The following DLG2 variants were observed in gnomAD, a reference collection of about 807,000 sequenced individuals.
DLG2 encodes disks large homolog 2.
DLG2 carries 45 observed loss-of-function variants against 132.5 expected under a neutral mutation model. That is an observed-to-expected ratio of 0.34 (90% CI 0.27 to 0.44). The LOEUF (loss-of-function observed/expected upper bound fraction) is 0.44, where lower values mean the gene tolerates loss of function less well. Ranked by LOEUF, DLG2 falls within the 20% of genes least tolerant of loss-of-function variation. The probability of loss-of-function intolerance (pLI) is 1.00; values close to 1 mark genes in which losing one functional copy is unlikely to be tolerated. For missense variants in DLG2, 1,045 were observed against 1,196.9 expected (o/e 0.87, Z 1.87); for synonymous variants, 424 against 419.6 (o/e 1.01, Z -0.13).
At chr11:84,714,657 C>CTCTCTCTCTT (rs2060995934) in intron 6 of DLG2, among the ~76,000 whole-genome samples, 3 of 143,572 alleles carry the variant, frequency 2.1e-5, no homozygotes, top group Admixed American at 6.9e-5. Context: ...TTCTCTCTCT[C>CTCTCTCTCTT]TCTCTCTCTC....
chr11:85,538,921 G>A (rs897943370), intron 3 of DLG2, among the ~76,000 whole-genome samples: 5 of 151,770 alleles, frequency 3.3e-5, no homozygotes, highest in African/African-American at 1.2e-4. Flanking sequence ...GTTGATAGGT[G>A]CAGCAAAACA....
intron 9 of DLG2, among the ~76,000 whole-genome samples, chr11:84,137,577 T>C (rs1168251620): frequency 6.6e-6 from 1 of 152,190 alleles, no homozygotes; most frequent in Admixed American, 6.6e-5. Flanking sequence ...TATCAACAGA[T>C]GTTTTATTAT....
intron 14 of DLG2, among the ~76,000 whole-genome samples, chr11:83,941,995 T>C (rs1217892822): frequency 6.6e-6 from 1 of 152,252 alleles, no homozygotes; most frequent in Non-Finnish European, 1.5e-5. Flanking sequence ...TATAAACTGC[T>C]GAACCTACAG....
intron 3 of DLG2, among the ~76,000 whole-genome samples, chr11:85,390,150 G>A (rs1006563943): frequency 6.6e-6 from 1 of 151,774 alleles, no homozygotes; most frequent in Non-Finnish European, 1.5e-5. Context: ...TAAGGTAAAG[G>A]GATGGAAAAA....
chr11:85,456,234 G>A (rs1254468382), intron 3 of DLG2, among the ~76,000 whole-genome samples: 1 of 151,934 alleles, frequency 6.6e-6, no homozygotes, highest in African/African-American at 2.4e-5. Context: ...TTTCTTTTAG[G>A]TTTTCTGGTT....
chr11:83,887,233 T>A (rs1327648860), intron 15 of DLG2, among the ~76,000 whole-genome samples: 3 of 151,074 alleles, frequency 2.0e-5, no homozygotes, highest in Non-Finnish European at 2.9e-5. Context: ...GAGAGAAGAA[T>A]CAAACAGACG....
At chr11:84,569,090 G>T (rs112481297) in intron 6 of DLG2, among the ~76,000 whole-genome samples, 2 of 152,120 alleles carry the variant, frequency 1.3e-5, no homozygotes, top group Non-Finnish European at 2.9e-5. Context: ...CCAGCCAGTG[G>T]TCTCACTGAA....
chr11:85,574,320 C>T (rs1435169972), intron 3 of DLG2, among the ~76,000 whole-genome samples: 1 of 151,698 alleles, frequency 6.6e-6, no homozygotes, highest in African/African-American at 2.4e-5. Context: ...TATCAAACTA[C>T]TTACTTAATA....
chr11:85,518,127 T>C lies in DLG2; in HGVS notation c.40+80530A>G, dbSNP rs899925262. Among the ~76,000 whole-genome samples, 7 of 152,082 alleles carry C rather than the reference T, an allele frequency of 4.6e-5. No individual in the cohort carries two copies. In the East Asian group the frequency reaches 1.3e-3, roughly 29 times the overall value. On this transcript the variant is annotated intron_variant, in intron 3 of 27. Transcript: ENST00000376104. ...CATGAAAACAGACTAATAGAGTAAA[T>C]TGATACCAGCAGAGTGGGGCAATGC...
chr11:84,928,726 C>A (rs2047696317), intron 6 of DLG2, among the ~76,000 whole-genome samples: 1 of 151,426 alleles, frequency 6.6e-6, no homozygotes, highest in African/African-American at 2.4e-5. Flanking sequence ...TTGCATCCTC[C>A]TTGGGATTTT....
intron 3 of DLG2, among the ~76,000 whole-genome samples, chr11:85,322,759 C>T (rs906190554): frequency 5.3e-5 from 8 of 152,154 alleles, no homozygotes; most frequent in Admixed American, 3.9e-4. Flanking sequence ...ACCTCCCTCT[C>T]TGCCACTTCC....
chr11:84,838,654 G>T (rs1027544529), intron 6 of DLG2, among the ~76,000 whole-genome samples: 2 of 151,820 alleles, frequency 1.3e-5, no homozygotes, highest in Non-Finnish European at 2.9e-5. Flanking sequence ...CTGCAGAATT[G>T]TTTATAAAAG....
At chr11:84,542,876 A>G (rs972867588) in intron 6 of DLG2, among the ~76,000 whole-genome samples, 19 of 152,160 alleles carry the variant, frequency 1.2e-4, no homozygotes, top group African/African-American at 3.9e-4. Context: ...TCTTATTTTG[A>G]GAACAATGAT....
At chr11:84,906,706 C>T (rs979689582) in intron 6 of DLG2, among the ~76,000 whole-genome samples, 1 of 151,878 alleles carries the variant, frequency 6.6e-6, no homozygotes, top group Non-Finnish European at 1.5e-5. Flanking sequence ...CATATTTTAG[C>T]AAAGTGTGGG....
At chr11:85,609,414 G>A (rs1489879185) in intron 2 of DLG2, among the ~76,000 whole-genome samples, 1 of 152,194 alleles carries the variant, frequency 6.6e-6, no homozygotes, top group African/African-American at 2.4e-5. Context: ...AGTGAAATCA[G>A]AGAAAGACCA....
At chr11:84,861,223 A>T (rs1201508025) in intron 6 of DLG2, among the ~76,000 whole-genome samples, 1 of 152,078 alleles carries the variant, frequency 6.6e-6, no homozygotes, top group Non-Finnish European at 1.5e-5. Context: ...TTCCTAAAGG[A>T]GATCATATGA....
chr11:85,475,743 G>T (rs2093121368), intron 3 of DLG2, among the ~76,000 whole-genome samples: 1 of 151,878 alleles, frequency 6.6e-6, no homozygotes, highest in Non-Finnish European at 1.5e-5. Flanking sequence ...CATTGTCATT[G>T]ACTAACAAAA....
At chr11:84,765,795 G>A (rs1597598558) in intron 6 of DLG2, among the ~76,000 whole-genome samples, 1 of 151,756 alleles carries the variant, frequency 6.6e-6, no homozygotes, top group Non-Finnish European at 1.5e-5. Flanking sequence ...TTTGGTGTAA[G>A]TTTTTTTTAT....
intron 6 of DLG2, chr11:85,021,514 G>C: frequency 6.5e-7 from 1 of 1,539,982 alleles, no homozygotes; most frequent in Non-Finnish European, 9.0e-7. Context: ...GTTATGAACA[G>C]AGGAGTCCAC....
Sources: allele counts gnomAD v4.1 joint callset (sites outside exome capture counted in the v4.1 genomes callset), GRCh38; gene constraint gnomAD v4.1.1; transcripts MANE v1.5; gene names NCBI Gene and HGNC (gene_info 2026-07-23, HGNC 2026-07-21).